Variants in TMTC2 observed in about 807,000 individuals in gnomAD.
The protein encoded by TMTC2 is protein O-mannosyl-transferase TMTC2.
TMTC2 carries 43 observed loss-of-function variants against 82.4 expected under a neutral mutation model. The ratio of observed to expected loss-of-function variants is 0.52; its 90% CI spans 0.41 to 0.67. The LOEUF (loss-of-function observed/expected upper bound fraction) is 0.67. Ranked by LOEUF, TMTC2 falls within the 30% of genes least tolerant of loss-of-function variation. The pLI is 0.00. For synonymous variants in TMTC2, 408 were observed against 381.9 expected, an observed-to-expected ratio of 1.07 and a Z score of -0.80; for missense variants, 919 against 1,012.4, an observed-to-expected ratio of 0.91 and a Z score of 1.25.
chr12:83,031,605 A>G (rs1008279551), intron 9 of TMTC2, among the ~76,000 whole-genome samples: 4 of 152,128 alleles, frequency 2.6e-5, no homozygotes, highest in South Asian at 2.1e-4. Flanking sequence ...CCTTGGGGGG[A>G]AAATGTGGTT....
intron 9 of TMTC2, among the ~76,000 whole-genome samples, chr12:83,032,158 T>C (rs1387287478): frequency 6.6e-6 from 1 of 151,230 alleles, no homozygotes; most frequent in Admixed American, 6.6e-5. Context: ...TAGGAGGTTT[T>C]TTTTTCCCAC....
chr12:82,782,533 T>C (rs996291345), intron 1 of TMTC2, among the ~76,000 whole-genome samples: 41 of 152,274 alleles, frequency 2.7e-4, no homozygotes, highest in African/African-American at 9.4e-4. Flanking sequence ...CTAATACTCC[T>C]CCTGCCTAAT....
intron 1 of TMTC2, among the ~76,000 whole-genome samples, chr12:82,808,879 G>T: frequency 6.6e-6 from 1 of 151,544 alleles, no homozygotes; most frequent in East Asian, 1.9e-4. Context: ...ATTTGTATTG[G>T]CCAAAAGTTT....
intron 1 of TMTC2, among the ~76,000 whole-genome samples, chr12:82,711,610 A>C (rs1158909837): frequency 6.6e-6 from 1 of 152,216 alleles, no homozygotes. Flanking sequence ...CTTGATATTT[A>C]CAGCATAGTA....
At chr12:82,851,638 G>A (rs1012414320) in intron 1 of TMTC2, among the ~76,000 whole-genome samples, 1 of 152,170 alleles carries the variant, frequency 6.6e-6, no homozygotes, top group African/African-American at 2.4e-5. Flanking sequence ...CTTAACTGCT[G>A]CATTGCACTG....
At chr12:83,063,519 C>A (rs1592723807) in intron 11 of TMTC2, among the ~76,000 whole-genome samples, 1 of 151,936 alleles carries the variant, frequency 6.6e-6, no homozygotes, top group South Asian at 2.1e-4. Flanking sequence ...TCATTTCTCA[C>A]AACAACCCAC....
At chr12:82,855,591 T>C (rs867882456) in intron 1 of TMTC2, among the ~76,000 whole-genome samples, 2 of 152,178 alleles carry the variant, frequency 1.3e-5, no homozygotes, top group Non-Finnish European at 2.9e-5. Context: ...GTGTCTCTTA[T>C]ATGTTCTGTA....
chr12:82,884,932 T>A (rs1321881409), intron 2 of TMTC2, among the ~76,000 whole-genome samples: 1 of 152,132 alleles, frequency 6.6e-6, no homozygotes, highest in African/African-American at 2.4e-5. Context: ...CTAGCTCTGT[T>A]ACCCACACAG....
chr12:82,701,742 C>A (rs1441695467), intron 1 of TMTC2, among the ~76,000 whole-genome samples: 1 of 144,616 alleles, frequency 6.9e-6, no homozygotes, highest in African/African-American at 2.6e-5. Flanking sequence ...CCCTGGGCAA[C>A]GAGCAAAACT....
chr12:82,735,996 C>T (rs1458667711), intron 1 of TMTC2, among the ~76,000 whole-genome samples: 2 of 144,148 alleles, frequency 1.4e-5, no homozygotes, highest in Non-Finnish European at 3.2e-5. Context: ...CACACACACA[C>T]ACACACAATT....
At chr12:83,110,642 A>G (rs1884569505) in intron 11 of TMTC2, among the ~76,000 whole-genome samples, 1 of 152,200 alleles carries the variant, frequency 6.6e-6, no homozygotes, top group Non-Finnish European at 1.5e-5. Context: ...AGGATTACTC[A>G]TTCCTCCTGG....
rs370297418 is a variant in TMTC2 at position 82,809,674 on chromosome 12, G to A, written c.84-47336G>A. Among the ~76,000 whole-genome samples, 7 of 152,128 alleles carry A rather than the reference G, an allele frequency of 4.6e-5. No homozygotes were observed. In the East Asian group the frequency reaches 5.8e-4, roughly 13 times the overall value. On this transcript the variant is annotated intron_variant, in intron 1 of 11. Transcript: ENST00000321196. ...ACCTATCCTCCCTGGGATTGAGTAC[G>A]TGTTGGAGGCAGGAGCAGATTCTGT...
chr12:83,047,877 T>C (rs1023538691), intron 9 of TMTC2, among the ~76,000 whole-genome samples: 28 of 152,364 alleles, frequency 1.8e-4, no homozygotes, highest in Admixed American at 5.2e-4. Context: ...TTTTTGTTGT[T>C]GAACAGCAAA....
intron 11 of TMTC2, among the ~76,000 whole-genome samples, chr12:83,090,564 G>A (rs1670515222): frequency 1.3e-5 from 2 of 152,126 alleles, no homozygotes; most frequent in Admixed American, 1.3e-4. Flanking sequence ...AGACACTGAA[G>A]CAAGATACTT....
chr12:82,951,835 C>G (rs1877365203), intron 4 of TMTC2, among the ~76,000 whole-genome samples: 2 of 152,028 alleles, frequency 1.3e-5, no homozygotes, highest in African/African-American at 4.8e-5. Flanking sequence ...TAGTGCTTTT[C>G]TATCCAAAAC....
chr12:82,774,214 CAA>C (rs1877463554), intron 1 of TMTC2, among the ~76,000 whole-genome samples: 1 of 151,842 alleles, frequency 6.6e-6, no homozygotes, highest in Non-Finnish European at 1.5e-5. Context: ...CACGTGTACA[CAA>C]ATGTATATGT....
intron 1 of TMTC2, among the ~76,000 whole-genome samples, chr12:82,772,303 T>C (rs1477192687): frequency 6.6e-6 from 1 of 152,144 alleles, no homozygotes; most frequent in Non-Finnish European, 1.5e-5. Context: ...GAAGAAAAGG[T>C]TTTAACTTTT....
chr12:82,926,388 C>G (rs1160306178), intron 3 of TMTC2, among the ~76,000 whole-genome samples: 1 of 152,128 alleles, frequency 6.6e-6, no homozygotes, highest in Admixed American at 6.5e-5. Flanking sequence ...TCTATGAAGG[C>G]TGAGAGAAGT....
At chr12:82,690,859 C>T (rs1187884092) in intron 1 of TMTC2, among the ~76,000 whole-genome samples, 6 of 152,106 alleles carry the variant, frequency 3.9e-5, no homozygotes, top group African/African-American at 1.4e-4. Context: ...GTGTTTAGGT[C>T]AGTGGTAAAA....
Sources: allele counts gnomAD v4.1 joint callset (sites outside exome capture counted in the v4.1 genomes callset), GRCh38; gene constraint gnomAD v4.1.1; transcripts MANE v1.5; gene names NCBI Gene and HGNC (gene_info 2026-07-23, HGNC 2026-07-21).